The following PDE1C variants were observed in gnomAD, a reference collection of about 807,000 sequenced individuals.
PDE1C encodes the protein phosphodiesterase 1C, also known as dual specificity calcium/calmodulin-dependent 3',5'-cyclic nucleotide phosphodiesterase 1C.
PDE1C carries 62 observed loss-of-function variants against 93.1 expected under a neutral mutation model. The observed-to-expected ratio is 0.67, with a 90% CI of 0.54 to 0.82. The LOEUF is 0.82. Among genes scored for constraint, PDE1C ranks in the 40% least tolerant of loss-of-function variants. The pLI, the probability that PDE1C is intolerant of heterozygous loss-of-function variation, is 0.00. For missense variants in PDE1C, 742 were observed against 884.6 expected (o/e 0.84, Z 2.04); for synonymous variants, 325 against 310.1 (o/e 1.05, Z -0.50).
rs780627262 is a variant in PDE1C, at chr7:31,823,147, T to G, written c.1508A>C (p.Tyr503Ser). 7 of 1,613,494 alleles carry G rather than the reference T, an allele frequency of 4.3e-6. No individual in the cohort carries two copies. Among genetic ancestry groups the G allele is most frequent in the Non-Finnish European group, 5.9e-6 (7 of 1,179,564 alleles). ...PINNSVISVD[Y>S]KSFKATWTEV... ...CGTCCAAGTAGCTTTAAAGCTCTTATAGTCAACGGAGATGACAGAATTGTT... is the reference window on the plus strand; with the variant it reads ...CGTCCAAGTAGCTTTAAAGCTCTTAGAGTCAACGGAGATGACAGAATTGTT... Residue 503 changes from tyrosine (Y) to serine (S), a missense_variant, in exon 14 of 18, where the codon TAT (tyrosine) becomes TCT (serine). Coordinates refer to ENST00000396191, the MANE Select transcript of PDE1C (RefSeq NM_001191057.4).
chr7:31,795,698 A>G lies in PDE1C; in HGVS notation c.1891+13333T>C, dbSNP rs369417559. The stretch of plus-strand genomic sequence containing the variant: ...AAGAGACTGGGATCTAAACACCTAC[A>G]TAAAAAACATGAATTGATGTTAGAA... On this transcript the variant is annotated intron_variant, in intron 16 of 17. Coordinates refer to ENST00000396191, the MANE Select transcript of PDE1C (RefSeq NM_001191057.4). Among the ~76,000 whole-genome samples, 161 of 151,940 alleles carry G rather than the reference A, an allele frequency of 1.1e-3. 8 individuals carry two copies. In the South Asian group the frequency reaches 0.033, roughly 31 times the overall value.
At chr7:31,717,441 CA>C in the PDE1C span, among the ~76,000 whole-genome samples, 7 of 152,062 alleles carry the variant, frequency 4.6e-5, no homozygotes, top group African/African-American at 1.7e-4. Flanking sequence ...GGAGCCAAGC[CA>C]GAGTGTGTGA....
At chr7:31,916,295 T>G (rs17160696) in intron 2 of PDE1C, among the ~76,000 whole-genome samples, 8,425 of 152,242 alleles carry the variant, frequency 0.055, 360 homozygotes, top group African/African-American at 0.12. Flanking sequence ...CAAACCTACA[T>G]GGTGATTTGC....
At chr7:32,081,558 T>A (rs1007139487) in intron 3 of PDE1C, among the ~76,000 whole-genome samples, 3 of 152,172 alleles carry the variant, frequency 2.0e-5, no homozygotes, top group Non-Finnish European at 2.9e-5. Context: ...ATTCAACCTA[T>A]CAGAATCTAA....
At chr7:31,848,173 C>A in intron 8 of PDE1C, 77 bp from the exon 9 acceptor site, 1 of 1,414,790 alleles carries the variant, frequency 7.1e-7, no homozygotes, top group Non-Finnish European at 9.8e-7. Context: ...GGCTAGAACG[C>A]ACCACCACTT....
chr7:31,814,313 C>T (rs1787952299), intron 15 of PDE1C, among the ~76,000 whole-genome samples: 3 of 151,838 alleles, frequency 2.0e-5, no homozygotes, highest in African/African-American at 7.3e-5. Context: ...TTCTTTATAA[C>T]TTTTTTTTCC....
intron 2 of PDE1C, among the ~76,000 whole-genome samples, chr7:32,035,754 C>T (rs1369399070): frequency 6.6e-6 from 1 of 152,100 alleles, no homozygotes; most frequent in Non-Finnish European, 1.5e-5. Flanking sequence ...CCCAGGAGCT[C>T]GAAATCCTAG....
At chr7:32,370,265 C>T (rs1307105721) in intron 1 of PDE1C, among the ~76,000 whole-genome samples, 5 of 151,930 alleles carry the variant, frequency 3.3e-5, no homozygotes, top group East Asian at 3.9e-4. Flanking sequence ...CTGGCTAACA[C>T]GGTGAAACCC....
At position 31,840,772 on chromosome 7, in the gene PDE1C, C is replaced by T. The variant is rs118115023; in HGVS notation, c.981-2801G>A. On this transcript the variant is annotated intron_variant, in intron 9 of 17. Coordinates refer to ENST00000396191, the MANE Select transcript of PDE1C (RefSeq NM_001191057.4). ...AACTCTCAATTCTGTCCCATAGTTA[C>T]GTATGTCCATCTTTCACCAGTGAAA... Among the ~76,000 whole-genome samples, 10 of 152,240 alleles carry T rather than the reference C, an allele frequency of 6.6e-5. No homozygotes were observed. The East Asian group carries it at 1.3e-3, about 21-fold the overall frequency.
chr7:31,942,243 G>A (rs191713041), intron 2 of PDE1C, among the ~76,000 whole-genome samples: 1 of 152,120 alleles, frequency 6.6e-6, no homozygotes, highest in African/African-American at 2.4e-5. Flanking sequence ...AAAGCTGTAT[G>A]AAGTACCCTG....
chr7:32,423,675 AAT>A (rs1321062656), intron 1 of PDE1C, among the ~76,000 whole-genome samples: 12 of 152,238 alleles, frequency 7.9e-5, no homozygotes, highest in Non-Finnish European at 1.8e-4. Flanking sequence ...GCTAGAGACA[AAT>A]AGTGGTAACT....
intron 2 of PDE1C, among the ~76,000 whole-genome samples, chr7:31,936,819 T>C (rs1490834043): frequency 6.6e-6 from 1 of 152,140 alleles, no homozygotes; most frequent in Admixed American, 6.6e-5. Context: ...TAGAGGTTTA[T>C]TTTGCCAAGG....
At chr7:32,127,716 A>C (rs1799664642) in intron 3 of PDE1C, among the ~76,000 whole-genome samples, 1 of 152,102 alleles carries the variant, frequency 6.6e-6, no homozygotes, top group Admixed American at 6.6e-5. Flanking sequence ...AACAAAAATC[A>C]TATCAAAAAT....
At chr7:31,820,819 CTT>C (rs1425711933) in intron 14 of PDE1C, 1 of 152,080 alleles carries the variant, frequency 6.6e-6, no homozygotes, top group Non-Finnish European at 1.5e-5. Context: ...GTATTCAAAC[CTT>C]TAACCTTCTT....
intron 2 of PDE1C, among the ~76,000 whole-genome samples, chr7:31,951,277 A>G (rs541830313): frequency 6.0e-4 from 91 of 152,344 alleles, no homozygotes; most frequent in Non-Finnish European, 1.1e-3. Flanking sequence ...AATACACGGT[A>G]ACCTCCAGGA....
chr7:32,334,262 T>C (rs1418808706), intron 1 of PDE1C, among the ~76,000 whole-genome samples: 5 of 152,200 alleles, frequency 3.3e-5, no homozygotes, highest in Non-Finnish European at 7.3e-5. Flanking sequence ...TTTTTGGATC[T>C]TTTTAATTTT....
In PDE1C at chr7:31,816,599, T is replaced by C. The variant is rs776703091; in HGVS notation, c.1583-445A>G. Among the ~76,000 whole-genome samples the C allele has an allele frequency of 1.6e-4, 24 of 152,132 alleles. 1 individual carries two copies. Among genetic ancestry groups the C allele is most frequent in the Admixed American group, 9.8e-4 (15 of 15,276 alleles). ...AAGGCTGAGAGACATCATAAAACTT[T>C]CCCATAGCCACAGTAAAAACTGCAG... On this transcript the variant is annotated intron_variant, in intron 14 of 17. Transcript: ENST00000396191.
At chr7:31,715,217 G>T in the PDE1C span, among the ~76,000 whole-genome samples, 1 of 151,316 alleles carries the variant, frequency 6.6e-6, no homozygotes, top group Non-Finnish European at 1.5e-5. Flanking sequence ...TAGCAATTAG[G>T]TTCCTCATTA....
the PDE1C span, among the ~76,000 whole-genome samples, chr7:31,730,792 C>T: frequency 2.0e-5 from 3 of 151,466 alleles, no homozygotes; most frequent in African/African-American, 4.9e-5. Flanking sequence ...ATGAGATAGT[C>T]GGGTTTCTTC....
Sources: gnomAD v4.1 joint callset for allele counts (sites outside exome capture counted in the v4.1 genomes callset) on GRCh38, gnomAD v4.1.1 for gene constraint, MANE v1.5 for transcripts, NCBI Gene and HGNC (gene_info 2026-07-23, HGNC 2026-07-21) for gene names.